The following CFAP74 variants were observed in gnomAD, a reference collection of about 807,000 sequenced individuals.
CFAP74 encodes the protein cilia and flagella associated protein 74.
Under a neutral mutation model 188.9 loss-of-function variants are expected in CFAP74, and 124 were observed. The ratio of observed to expected loss-of-function variants is 0.66; its 90% CI spans 0.57 to 0.76. The LOEUF is 0.76. Ranked by LOEUF, CFAP74 falls within the 30% of genes least tolerant of loss-of-function variation. CFAP74 has a pLI of 0.00. For missense variants in CFAP74, 2,198 were observed against 2,165.2 expected (o/e 1.02, Z -0.30); for synonymous variants, 956 against 916.7 (o/e 1.04, Z -0.77).
At chr1:1,936,507 G>C (rs1652908589) in intron 25 of CFAP74, among the ~76,000 whole-genome samples, 1 of 151,742 alleles carries the variant, frequency 6.6e-6, no homozygotes. Flanking sequence ...TCATGCCACT[G>C]CACTCCAGCC....
At position 1,984,629 on chromosome 1, in the gene CFAP74, T is replaced by C. The variant is rs1657120316; in HGVS notation, c.500+757A>G. ...GTCAGAGACTGGGCCAGAAACTACGTCACAGCAAGTGTGGGTCAGAGACTG... is the reference window on the plus strand; with the variant it reads ...GTCAGAGACTGGGCCAGAAACTACGCCACAGCAAGTGTGGGTCAGAGACTG... On this transcript the variant is annotated intron_variant, in intron 6 of 38. Coordinates refer to ENST00000682832, the MANE Select transcript of CFAP74 (RefSeq NM_001304360.2). 2.0e-5 allele frequency: 3 copies of C among 152,780 alleles called. No homozygotes were observed. The South Asian group carries it at 6.2e-4, about 32-fold the overall frequency. The allele number at this position is 152,780 out of a possible 1,614,324, so 9.5% of individuals were successfully genotyped here.
At chr1:1,969,017 C>T (rs994506377) in intron 10 of CFAP74, among the ~76,000 whole-genome samples, 184 bp from the exon 11 acceptor site, 1 of 151,992 alleles carries the variant, frequency 6.6e-6, no homozygotes, top group Non-Finnish European at 1.5e-5. Context: ...TCCATCCTAC[C>T]CAGCAGGGCT....
chr1:1,923,050 C>T lies in CFAP74; in HGVS notation c.4618G>A (p.Ala1540Thr). The T allele has an allele frequency of 6.2e-7, 1 of 1,608,032 alleles. No homozygotes were observed. The highest frequency in any genetic ancestry group is 8.5e-7 in the Non-Finnish European group (1 of 1,178,622). The change falls in exon 37 of 39, where the codon GCC becomes ACC. Residue 1540 changes from alanine to threonine, a missense_variant. Ala to Thr is a moderately conservative substitution (Grantham distance 58). Coordinates refer to ENST00000682832, the MANE Select transcript of CFAP74 (RefSeq NM_001304360.2). This position sits in a 1 kb window ranked among gnomAD's most constrained non-coding sequence, Gnocchi z 6.3. ...TGCAGCTCTCGGGTGGCAGGTGGGG[C>T]TGGCGTGTCTGTGTCAAACTGGATG... ...DYIQFDTDTP[A>T]PPATRELQVG...
intron 14 of CFAP74, among the ~76,000 whole-genome samples, chr1:1,962,390 C>A (rs529628254): frequency 7.3e-5 from 11 of 150,570 alleles, no homozygotes; most frequent in African/African-American, 2.7e-4. Flanking sequence ...GCAGAAGAAT[C>A]GCTTGAACCC....
rs533411720 is a variant in CFAP74, at chr1:1,949,047, CCT to C, written c.2177-1995_2177-1994del. On this transcript the variant is annotated intron_variant, in intron 18 of 38. Transcript: ENST00000682832. ...CCTTCTCTCCCTCCCTCCTTCCTTCCCTCCTTTCCTTCCTTCCTTCCTTTCCT... is the reference window on the plus strand; with the variant it reads ...CCTTCTCTCCCTCCCTCCTTCCTTCCCCTTTCCTTCCTTCCTTCCTTTCCT... Among the ~76,000 whole-genome samples, 213 of 118,786 alleles carry C rather than the reference CCT, an allele frequency of 1.8e-3. 1 individual carries two copies. The highest frequency in any genetic ancestry group is 6.2e-3 in the African/African-American group (196 of 31,654). The allele number at this position is 118,786 out of a possible 152,430, so 77.9% of individuals were successfully genotyped here.
chr1:1,923,595 G>A lies in CFAP74; in HGVS notation c.4390-96C>T, dbSNP rs1409586905. ...CTGGCTCAGGGAAGGAAGCAGGGAC[G>A]GCCTGGGGGCCCCGTGGGGCCCTGG... On this transcript the variant is annotated intron_variant, in intron 35 of 38. Coordinates refer to ENST00000682832, the MANE Select transcript of CFAP74 (RefSeq NM_001304360.2). This position sits in a 1 kb window ranked among gnomAD's most constrained non-coding sequence, Gnocchi z 6.3. The A allele has an allele frequency of 7.8e-6, 12 of 1,542,160 alleles. No individual in the cohort carries two copies. Among genetic ancestry groups the A allele is most frequent in the South Asian group, 3.7e-5 (3 of 80,912 alleles).
intron 5 of CFAP74, 61 bp from the exon 6 acceptor site, chr1:1,985,551 A>G: frequency 7.4e-7 from 1 of 1,345,592 alleles, no homozygotes; most frequent in Non-Finnish European, 1.1e-6. Flanking sequence ...GGGGCCATCC[A>G]GGTTCACCTG....
chr1:1,942,833 G>A lies in CFAP74; in HGVS notation c.2487-677C>T, dbSNP rs1027232535. On this transcript the variant is annotated intron_variant, in intron 21 of 38. Transcript: ENST00000682832. This position sits in a 1 kb window ranked among gnomAD's most constrained non-coding sequence, Gnocchi z 4.3. ...GTGGCCGCCCCGCCACAGCTGCCCC[G>A]GGCAATCCACGAGGGGGGACCCAGA... 1.3e-5 allele frequency among the ~76,000 whole-genome samples: 2 copies of A among 152,274 alleles called. No individual in the cohort carries two copies. Among genetic ancestry groups the A allele is most frequent in the Non-Finnish European group, 2.9e-5 (2 of 68,012 alleles).
At chr1:1,922,455 TC>T in intron 38 of CFAP74, 67 bp from the exon 39 acceptor site, 1 of 1,547,150 alleles carries the variant, frequency 6.5e-7, no homozygotes, top group Middle Eastern at 1.8e-4. Flanking sequence ...TCTGCTGTCT[TC>T]CCACTGCCCT....
In CFAP74 at chr1:1,930,092, A is replaced by G; in HGVS notation, c.3256T>C (p.Ser1086Pro). ...GGCCACACGGTCCCCACTGAGGGCGAGATGGTGATAGGCGAGTCTGGGGGC... is the reference window on the plus strand; with the variant it reads ...GGCCACACGGTCCCCACTGAGGGCGGGATGGTGATAGGCGAGTCTGGGGGC... ...LLPPDSPITISPSVGTVWPGK... is the reference protein window; with the variant it reads ...LLPPDSPITIPPSVGTVWPGK... The change falls in exon 26 of 39, where the codon TCG (serine) becomes CCG (proline). Residue 1086 changes from serine to proline, a missense_variant. Ser to Pro is a moderately conservative substitution (Grantham distance 74). Coordinates refer to ENST00000682832, the MANE Select transcript of CFAP74 (RefSeq NM_001304360.2). 2.0e-6 allele frequency: 3 copies of G among 1,532,276 alleles called. No homozygotes were observed. The highest frequency in any genetic ancestry group is 2.6e-6 in the Non-Finnish European group (3 of 1,144,020). The allele number at this position is 1,532,276 out of a possible 1,614,324, so 94.9% of individuals were successfully genotyped here. A position where few individuals can be genotyped will look rare whatever the true frequency, so the allele number is the denominator to read the frequency against.
chr1:1,939,483 G>A (rs1251957589), intron 24 of CFAP74, 111 bp downstream of exon 24: 1 of 1,083,844 alleles, frequency 9.2e-7, no homozygotes, highest in African/African-American at 1.6e-5. Flanking sequence ...AGAGGCGGAA[G>A]TTGGGCCACA....
At chr1:1,932,520 G>A (rs573428935) in intron 25 of CFAP74, among the ~76,000 whole-genome samples, 6 of 151,806 alleles carry the variant, frequency 4.0e-5, no homozygotes, top group East Asian at 1.9e-4. Context: ...CAGCCGTGGC[G>A]CCCAGCACTC....
intron 10 of CFAP74, among the ~76,000 whole-genome samples, chr1:1,969,466 C>T (rs1355889340): frequency 1.4e-5 from 2 of 147,106 alleles, no homozygotes; most frequent in Non-Finnish European, 3.0e-5. Flanking sequence ...CCCTGCCCAG[C>T]CCAGCCCTGC....
In CFAP74 at chr1:1,972,957, G is replaced by A. The variant is rs755692170; in HGVS notation, c.765C>T (p.Phe255=). 2 of 1,613,908 alleles carry A rather than the reference G, an allele frequency of 1.2e-6. No individual in the cohort carries two copies. The highest frequency in any genetic ancestry group is 4.5e-5 in the East Asian group (2 of 44,880). Residue 255 remains phenylalanine (F), a synonymous_variant, in exon 8 of 39, where the codon TTC becomes TTT. Coordinates refer to ENST00000682832, the MANE Select transcript of CFAP74 (RefSeq NM_001304360.2). ...CCTACCTTCCCAGGGAGGCCTTCAG[G>A]AACCGCACGGCAACCTTGTGGTTCT... ...ARKNHKVAVR[F]LKASLGRIRE...
intron 6 of CFAP74, chr1:1,985,138 C>T (rs577297931): frequency 1.3e-5 from 6 of 452,778 alleles, no homozygotes; most frequent in African/African-American, 3.9e-5. Context: ...GCATGAGAAA[C>T]GAGGAAAGAG....
At position 1,938,829 on chromosome 1, in the gene CFAP74, G is replaced by T. The variant is rs747353679; in HGVS notation, c.3011+26C>A. ...CCTGAGCGGGCACTCCAGGCCCCCT[G>T]CGTCCCCTCTCCCTGGCAGGCTCAC... On this transcript the variant is annotated intron_variant, in intron 25 of 38. Coordinates refer to ENST00000682832, the MANE Select transcript of CFAP74 (RefSeq NM_001304360.2). 6.3e-5 allele frequency: 97 copies of T among 1,534,612 alleles called. No individual in the cohort carries two copies. In the South Asian group the frequency reaches 1.1e-3, roughly 18 times the overall value.
chr1:2,001,188 A>G (rs552915946), intron 1 of CFAP74, among the ~76,000 whole-genome samples: 3 of 152,306 alleles, frequency 2.0e-5, no homozygotes, highest in Non-Finnish European at 4.4e-5. Context: ...GTGGTCCAGC[A>G]GAGGGTATCA....
At position 1,974,124 on chromosome 1, in the gene CFAP74, T is replaced by G. The variant is rs773788367; in HGVS notation, c.575A>C (p.Glu192Ala). Residue 192 changes from glutamate to alanine, a missense_variant, in exon 7 of 39, where the codon GAG becomes GCG. Coordinates refer to ENST00000682832, the MANE Select transcript of CFAP74 (RefSeq NM_001304360.2). ...AFRTADREEVEATGRRLQVRA... is the reference protein window; with the variant it reads ...AFRTADREEVAATGRRLQVRA... ...CACCTGGAGCCGCCGCCCCGTGGCC[T>G]CCACCTCCTCACGGTCAGCTGTCCG... is the stretch of plus-strand genomic sequence containing the variant. The G allele has an allele frequency of 2.0e-5, 32 of 1,612,322 alleles. No individual in the cohort carries two copies. The highest frequency in any genetic ancestry group is 2.7e-5 in the Non-Finnish European group (32 of 1,179,208).
rs372172957 is a variant in CFAP74, at chr1:1,960,085, C to G, written c.1695-55G>C. The stretch of plus-strand genomic sequence containing the variant: ...GTTAGTGCTGCGGAGGGCAGACGCT[C>G]GCCTCACCACCCAGAGCACAGTCAG... On this transcript the variant is annotated intron_variant, in intron 14 of 38. Coordinates refer to ENST00000682832, the MANE Select transcript of CFAP74 (RefSeq NM_001304360.2). 2.5e-5 allele frequency: 37 copies of G among 1,462,196 alleles called. 1 individual carries two copies. Among genetic ancestry groups the G allele is most frequent in the East Asian group, 1.2e-4 (5 of 40,426 alleles). The allele number at this position is 1,462,196 out of a possible 1,614,324, so 90.6% of individuals were successfully genotyped here.
Sources: allele counts gnomAD v4.1 joint callset (sites outside exome capture counted in the v4.1 genomes callset), GRCh38; gene constraint gnomAD v4.1.1; non-coding constraint Gnocchi (gnomAD v3.1); transcripts MANE v1.5; gene names NCBI Gene and HGNC (gene_info 2026-07-23, HGNC 2026-07-21).